The following KALRN variants were observed in gnomAD, a reference collection of about 807,000 sequenced individuals.
KALRN encodes kalirin RhoGEF kinase.
KALRN carries 70 observed loss-of-function variants against 353.7 expected under a neutral mutation model. The observed-to-expected ratio is 0.20, with a 90% CI of 0.16 to 0.24. KALRN has a LOEUF of 0.24. Among genes scored for constraint, KALRN ranks in the 10% least tolerant of loss-of-function variants. The probability of loss-of-function intolerance (pLI) is 1.00; values close to 1 mark genes in which losing one functional copy is unlikely to be tolerated. For missense variants in KALRN, 2,791 were observed against 3,756.7 expected, an observed-to-expected ratio of 0.74 and a Z score of 6.72; for synonymous variants, 1,391 against 1,434.8, an observed-to-expected ratio of 0.97 and a Z score of 0.69.
At chr3:124,528,269 G>C (rs939323793) in intron 33 of KALRN, among the ~76,000 whole-genome samples, 1 of 152,152 alleles carries the variant, frequency 6.6e-6, no homozygotes, top group African/African-American at 2.4e-5. Flanking sequence ...AACTCCAGGG[G>C]ACCCAGTGAA....
chr3:124,685,061 C>T (rs1232028964), intron 51 of KALRN, among the ~76,000 whole-genome samples: 1 of 152,186 alleles, frequency 6.6e-6, no homozygotes, highest in African/African-American at 2.4e-5. Context: ...AACCTCCTGG[C>T]ATCCCCAGTG....
chr3:124,696,565 G>T (rs1238487724), intron 54 of KALRN, among the ~76,000 whole-genome samples: 1 of 152,072 alleles, frequency 6.6e-6, no homozygotes, highest in Non-Finnish European at 1.5e-5. Flanking sequence ...AATTCAAATA[G>T]AGACAGGGTC....
At chr3:124,538,827 G>A (rs1387355958) in intron 33 of KALRN, among the ~76,000 whole-genome samples, 1 of 152,216 alleles carries the variant, frequency 6.6e-6, no homozygotes, top group East Asian at 1.9e-4. Flanking sequence ...GGAGCACTAA[G>A]TTAGAACTTA....
intron 33 of KALRN, among the ~76,000 whole-genome samples, chr3:124,549,339 A>AAT (rs1561268702): frequency 6.8e-5 from 10 of 147,020 alleles, no homozygotes; most frequent in African/African-American, 2.5e-4. Context: ...ACACACACAC[A>AAT]CACACACACA....
intron 1 of KALRN, among the ~76,000 whole-genome samples, chr3:124,132,668 C>T (rs758165922): frequency 3.0e-4 from 46 of 152,148 alleles, no homozygotes; most frequent in Admixed American, 1.4e-3. Flanking sequence ...GGAACCAGGG[C>T]CTTGTAACTC....
intron 6 of KALRN, among the ~76,000 whole-genome samples, chr3:124,301,114 G>A (rs1015669051): frequency 2.2e-4 from 34 of 152,116 alleles, no homozygotes; most frequent in Non-Finnish European, 4.4e-5. Context: ...CCATAATTAG[G>A]GAGGTAAATC....
intron 34 of KALRN, among the ~76,000 whole-genome samples, chr3:124,624,687 T>C (rs970482441): frequency 2.1e-4 from 28 of 132,744 alleles, no homozygotes; most frequent in Non-Finnish European, 3.1e-4. Context: ...GGGATACCCC[T>C]GTAGATAGAT....
At chr3:124,609,331 G>A (rs1365599648) in intron 34 of KALRN, among the ~76,000 whole-genome samples, 2 of 152,100 alleles carry the variant, frequency 1.3e-5, no homozygotes, top group Admixed American at 6.5e-5. Flanking sequence ...CATAAGAAAT[G>A]GGTGGGTGAT....
At chr3:124,649,810 G>GATAGATAGATAT (rs1553711436) in intron 37 of KALRN, among the ~76,000 whole-genome samples, 1 of 150,728 alleles carries the variant, frequency 6.6e-6, no homozygotes, top group East Asian at 2.0e-4. Flanking sequence ...TAGATAGATA[G>GATAGATAGATAT]ATAGATAGAT....
chr3:124,593,385 C>T (rs1202677085), intron 34 of KALRN, among the ~76,000 whole-genome samples: 1 of 152,108 alleles, frequency 6.6e-6, no homozygotes, highest in Non-Finnish European at 1.5e-5. Flanking sequence ...GCACCATTGA[C>T]CACCCTGCCC....
intron 9 of KALRN, among the ~76,000 whole-genome samples, chr3:124,346,673 G>A (rs536824942): frequency 3.2e-4 from 48 of 152,224 alleles, no homozygotes; most frequent in African/African-American, 5.3e-4. Flanking sequence ...GGGAGTCCCC[G>A]GAGCACAATG....
chr3:124,389,932 T>G (rs2089074862), intron 11 of KALRN, among the ~76,000 whole-genome samples: 1 of 152,226 alleles, frequency 6.6e-6, no homozygotes, highest in African/African-American at 2.4e-5. Flanking sequence ...AAACTATTCA[T>G]CCCTACTTAT....
At chr3:124,563,463 G>C (rs7624255) in intron 34 of KALRN, among the ~76,000 whole-genome samples, 28,621 of 151,930 alleles carry the variant, frequency 0.19, 2,907 homozygotes, top group Middle Eastern at 0.26. Flanking sequence ...ACCCACTCCC[G>C]CTCCACAGCA....
chr3:124,168,917 G>A (rs780520062), intron 1 of KALRN, among the ~76,000 whole-genome samples: 8 of 152,136 alleles, frequency 5.3e-5, no homozygotes, highest in Non-Finnish European at 1.0e-4. Context: ...AGTGACAAAG[G>A]CACATGATTA....
chr3:124,449,030 G>C (rs1434615436), intron 21 of KALRN, among the ~76,000 whole-genome samples: 1 of 152,204 alleles, frequency 6.6e-6, no homozygotes, highest in Admixed American at 6.5e-5. Context: ...AATATCTACA[G>C]GATAACAAAC....
In KALRN at chr3:124,145,457, T is replaced by C. The variant is rs558354015; in HGVS notation, c.74-82533T>C. ...TTGTATCAGAGTTCCCTGAGTGATT[T>C]CATTGTTCTGTCAGGGTAGACAGCC... On this transcript the variant is annotated intron_variant, in intron 1 of 59. Transcript: ENST00000682506. Among the ~76,000 whole-genome samples, 473 of 152,340 alleles carry C rather than the reference T, an allele frequency of 3.1e-3. 1 individual carries two copies. Among genetic ancestry groups the C allele is most frequent in the Non-Finnish European group, 5.3e-3 (360 of 68,028 alleles).
At chr3:124,163,401 C>G (rs2070320833) in intron 1 of KALRN, 1 of 156,816 alleles carries the variant, frequency 6.4e-6, no homozygotes, top group Non-Finnish European at 1.4e-5. Flanking sequence ...AAGGGAACCA[C>G]CACATGTAGA....
At position 124,446,226 on chromosome 3, in the gene KALRN, C is replaced by T. The variant is rs771930077; in HGVS notation, c.3379C>T (p.Arg1127Trp). Reference sequence around the variant, plus strand: ...GCATTTCTGGACCTTGAAGAAGCGGCGGTTAGACCAATGCCAGCAATATGT... The same window carrying T: ...GCATTTCTGGACCTTGAAGAAGCGGTGGTTAGACCAATGCCAGCAATATGT... ...VLHFWTLKKR[R>W]LDQCQQYVVF... Residue 1127 changes from arginine to tryptophan, a missense_variant, in exon 20 of 60, where the codon CGG becomes TGG. Transcript: ENST00000682506. 4 of 1,613,950 alleles carry T rather than the reference C, an allele frequency of 2.5e-6. No homozygotes were observed. The highest frequency in any genetic ancestry group is 1.7e-5 in the Admixed American group (1 of 59,990).
In KALRN at chr3:124,619,990, T is replaced by C. The variant is rs571337925; in HGVS notation, c.5183-12430T>C. Among the ~76,000 whole-genome samples the C allele has an allele frequency of 8.5e-5, 13 of 152,250 alleles. No homozygotes were observed. The South Asian group carries it at 1.7e-3, about 19-fold the overall frequency. ...TGAAACCATTTTGGTTTTTTTTTTT[T>C]CCACAATGAAAGGCCTGTATTTTAT... On this transcript the variant is annotated intron_variant, in intron 34 of 59. Transcript: ENST00000682506.
Sources: gnomAD v4.1 joint callset for allele counts (sites outside exome capture counted in the v4.1 genomes callset) on GRCh38, gnomAD v4.1.1 for gene constraint, MANE v1.5 for transcripts, NCBI Gene and HGNC (gene_info 2026-07-23, HGNC 2026-07-21) for gene names.